Variants in DGKB observed in about 807,000 individuals in gnomAD.
DGKB encodes the protein diacylglycerol kinase beta, also known as 90 kDa diacylglycerol kinase.
Under a neutral mutation model 114.3 loss-of-function variants are expected in DGKB, and 67 were observed. The ratio of observed to expected loss-of-function variants is 0.59; its 90% CI spans 0.48 to 0.72. The LOEUF is 0.72. Ranked by LOEUF, DGKB falls within the 30% of genes least tolerant of loss-of-function variation. The pLI is 0.00. For missense variants in DGKB, 907 were observed against 975.2 expected, an observed-to-expected ratio of 0.93 and a Z score of 0.93; for synonymous variants, 398 against 323.1, an observed-to-expected ratio of 1.23 and a Z score of -2.49.
intron 21 of DGKB, among the ~76,000 whole-genome samples, chr7:14,456,623 C>T (rs1223490357): frequency 6.6e-6 from 1 of 152,050 alleles, no homozygotes; most frequent in East Asian, 1.9e-4. Context: ...ATTATTTTTC[C>T]AATTGTTTGT....
chr7:14,456,503 C>T (rs533027305), intron 21 of DGKB, among the ~76,000 whole-genome samples: 6 of 151,988 alleles, frequency 3.9e-5, no homozygotes, highest in Non-Finnish European at 8.8e-5. Flanking sequence ...AAATTGCACT[C>T]AGTGTGGTCA....
intron 1 of DGKB, among the ~76,000 whole-genome samples, chr7:14,845,106 C>CAAAAAAAAAAAAAAAAA (rs59367496): frequency 2.4e-3 from 210 of 89,206 alleles, no homozygotes; most frequent in Non-Finnish European, 3.9e-3. Context: ...GGCCCTGTGT[C>CAAAAAAAAAAAAAAAAA]AAAAAAAAAA....
chr7:14,299,082 T>C (rs568676503), intron 23 of DGKB, among the ~76,000 whole-genome samples: 2 of 152,302 alleles, frequency 1.3e-5, no homozygotes, highest in African/African-American at 2.4e-5. Flanking sequence ...GGAATGCCTT[T>C]ACACTGTTGG....
At chr7:14,384,641 T>C (rs2128691553) in intron 21 of DGKB, among the ~76,000 whole-genome samples, 1 of 152,374 alleles carries the variant, frequency 6.6e-6, no homozygotes, top group South Asian at 2.1e-4. Context: ...AATCAGTTTT[T>C]AACTTGATTC....
chr7:14,776,229 G>A lies in DGKB; in HGVS notation c.71-18498C>T, dbSNP rs559018373. 6.6e-5 allele frequency among the ~76,000 whole-genome samples: 10 copies of A among 152,238 alleles called. No homozygotes were observed. In the East Asian group the frequency reaches 1.5e-3, roughly 24 times the overall value. On this transcript the variant is annotated intron_variant, in intron 2 of 25. Coordinates refer to ENST00000402815, the MANE Select transcript of DGKB (RefSeq NM_001350709.2). ...AGCAAAACATTCAAGAGGAAGCAGA[G>A]AATGAAAGTTTGAAAAATTTGCAGC... is the stretch of plus-strand genomic sequence containing the variant.
chr7:14,389,333 A>G (rs1820948833), intron 21 of DGKB, among the ~76,000 whole-genome samples: 1 of 152,136 alleles, frequency 6.6e-6, no homozygotes, highest in Non-Finnish European at 1.5e-5. Context: ...GGACCCTTTG[A>G]AAGTCAGCAG....
At chr7:14,842,915 A>G (rs1203838175) in intron 1 of DGKB, among the ~76,000 whole-genome samples, 1 of 152,194 alleles carries the variant, frequency 6.6e-6, no homozygotes, top group African/African-American at 2.4e-5. Flanking sequence ...TATTCTTTTA[A>G]TAAAGGATTA....
intron 13 of DGKB, among the ~76,000 whole-genome samples, chr7:14,633,153 T>C (rs535168726): frequency 3.2e-4 from 48 of 152,014 alleles, no homozygotes; most frequent in African/African-American, 1.1e-3. Flanking sequence ...GGGTATGAGA[T>C]ATCTACTGAT....
chr7:14,660,246 A>C (rs1334152147), intron 13 of DGKB, among the ~76,000 whole-genome samples: 1 of 151,954 alleles, frequency 6.6e-6, no homozygotes, highest in Non-Finnish European at 1.5e-5. Flanking sequence ...TGCTGGCCTC[A>C]TCAAATGAGT....
At chr7:14,854,217 A>C (rs2128166018) in intron 1 of DGKB, among the ~76,000 whole-genome samples, 1 of 152,322 alleles carries the variant, frequency 6.6e-6, no homozygotes, top group East Asian at 1.9e-4. Context: ...TCAGTAAGGT[A>C]ACTCTGGAGC....
At chr7:14,426,591 G>C (rs150066921) in intron 21 of DGKB, among the ~76,000 whole-genome samples, 100 of 152,264 alleles carry the variant, frequency 6.6e-4, no homozygotes, top group African/African-American at 2.4e-3. Flanking sequence ...ACTGGGATCT[G>C]AGTGATTTGT....
intron 23 of DGKB, among the ~76,000 whole-genome samples, chr7:14,323,824 A>C (rs1318150557): frequency 6.6e-6 from 1 of 152,178 alleles, no homozygotes; most frequent in Non-Finnish European, 1.5e-5. Flanking sequence ...TCTTGGCATG[A>C]TTATTTCTTG....
At chr7:14,277,337 A>ATT (rs138811528) in intron 23 of DGKB, among the ~76,000 whole-genome samples, 1 of 150,986 alleles carries the variant, frequency 6.6e-6, no homozygotes, top group South Asian at 2.1e-4. Context: ...TGCCCAGGTA[A>ATT]TTTTTTTTTC....
chr7:14,706,898 T>C lies in DGKB; in HGVS notation c.467-5168A>G, dbSNP rs1228202177. 4.4e-3 allele frequency among the ~76,000 whole-genome samples: 564 copies of C among 129,394 alleles called. 3 individuals carry two copies. Among genetic ancestry groups the C allele is most frequent in the African/African-American group, 0.016 (534 of 33,192 alleles). The allele number at this position is 129,394 out of a possible 152,430, so 84.9% of individuals were successfully genotyped here. A position where few individuals can be genotyped will look rare whatever the true frequency, so the allele number is the denominator to read the frequency against. On this transcript the variant is annotated intron_variant, in intron 6 of 25. Coordinates refer to ENST00000402815, the MANE Select transcript of DGKB (RefSeq NM_001350709.2). ...CAAAATTGACAGCCTAACATCACAATTAAAAGAACTAGAAAAGCAAGAGCA... is the reference window on the plus strand; with the variant it reads ...CAAAATTGACAGCCTAACATCACAACTAAAAGAACTAGAAAAGCAAGAGCA...
In DGKB at chr7:14,278,533, C is replaced by T. The variant is rs78326804; in HGVS notation, c.2122+59982G>A. Among the ~76,000 whole-genome samples, 294 of 152,184 alleles carry T rather than the reference C, an allele frequency of 1.9e-3. 3 individuals carry two copies. Among genetic ancestry groups the T allele is most frequent in the African/African-American group, 6.5e-3 (271 of 41,528 alleles). On this transcript the variant is annotated intron_variant, in intron 23 of 25. Coordinates refer to ENST00000402815, the MANE Select transcript of DGKB (RefSeq NM_001350709.2). ...CTTAAACACAAGACCTAAAACTATA[C>T]GACTACTAGAATAAAACATGGGGAA...
At chr7:14,176,682 T>C in intron 25 of DGKB, 157 bp downstream of exon 25, 4 of 1,445,342 alleles carry the variant, frequency 2.8e-6, no homozygotes, top group African/African-American at 2.8e-5. Flanking sequence ...ACAACCTAAA[T>C]GTAGTGGCTC....
chr7:14,706,805 G>T (rs1472427700), intron 6 of DGKB, among the ~76,000 whole-genome samples: 1 of 105,824 alleles, frequency 9.4e-6, no homozygotes, highest in South Asian at 4.4e-4. Context: ...TCTCTGGGAC[G>T]CATTCAAAGC....
intron 21 of DGKB, among the ~76,000 whole-genome samples, chr7:14,477,075 T>G (rs1349287365): frequency 1.3e-5 from 2 of 152,124 alleles, no homozygotes; most frequent in East Asian, 3.9e-4. Context: ...AATAGGTAAA[T>G]TTAAGGAAAA....
chr7:14,947,470 A>G (rs543465554), intron 1 of DGKB, among the ~76,000 whole-genome samples: 5 of 151,724 alleles, frequency 3.3e-5, no homozygotes, highest in East Asian at 3.9e-4. Context: ...GAAATTATAC[A>G]TATCTTTAAC....
Sources: allele counts gnomAD v4.1 joint callset (sites outside exome capture counted in the v4.1 genomes callset), GRCh38; gene constraint gnomAD v4.1.1; transcripts MANE v1.5; gene names NCBI Gene and HGNC (gene_info 2026-07-23, HGNC 2026-07-21).